BRD4: variants seen among roughly 807,000 people sequenced by gnomAD.
BRD4 encodes bromodomain containing 4.
Under a neutral mutation model 142.1 loss-of-function variants are expected in BRD4, and 16 were observed. That is an observed-to-expected ratio of 0.11 (90% CI 0.08 to 0.17). The LOEUF (loss-of-function observed/expected upper bound fraction) is 0.17. Among genes scored for constraint, BRD4 ranks in the 10% least tolerant of loss-of-function variants. The pLI, the probability that BRD4 is intolerant of heterozygous loss-of-function variation, is 1.00. For synonymous variants in BRD4, 833 were observed against 707.5 expected (o/e 1.18, Z -2.82); for missense variants, 1,424 against 1,810.9 (o/e 0.79, Z 3.88).
At chr19:15,314,360 G>C (rs538765695) in intron 1 of BRD4, among the ~76,000 whole-genome samples, 2 of 152,274 alleles carry the variant, frequency 1.3e-5, no homozygotes, top group Non-Finnish European at 2.9e-5. Context: ...TAGGTCACTA[G>C]AGTTCACTCT....
At chr19:15,326,935 G>T (rs1473425510) in intron 1 of BRD4, among the ~76,000 whole-genome samples, 2 of 152,206 alleles carry the variant, frequency 1.3e-5, no homozygotes, top group African/African-American at 2.4e-5. Flanking sequence ...AGTTTGGGGT[G>T]CATCTCCGAG....
intron 1 of BRD4, among the ~76,000 whole-genome samples, chr19:15,323,415 A>T (rs1381895254): frequency 1.3e-5 from 2 of 152,088 alleles, no homozygotes; most frequent in Non-Finnish European, 2.9e-5. Context: ...ACCTCCATGT[A>T]GTTTTTTTGT....
intron 1 of BRD4, among the ~76,000 whole-genome samples, chr19:15,288,216 C>T (rs1398534976): frequency 6.6e-6 from 1 of 152,258 alleles, no homozygotes; most frequent in Non-Finnish European, 1.5e-5. Context: ...ATGTTTCAGT[C>T]CCTGCTTTCA....
intron 1 of BRD4, chr19:15,280,297 G>A (rs1467778280): frequency 2.0e-6 from 2 of 1,010,500 alleles, no homozygotes; most frequent in East Asian, 7.1e-5. Flanking sequence ...AGGGGCAGAG[G>A]CCCAGTCATC....
chr19:15,320,114 G>A (rs2048049016), intron 1 of BRD4, among the ~76,000 whole-genome samples: 1 of 152,086 alleles, frequency 6.6e-6, no homozygotes, highest in Non-Finnish European at 1.5e-5. Context: ...CATACTCAAG[G>A]AGACCTCCAG....
chr19:15,273,993 T>C (rs2047619098), intron 1 of BRD4, among the ~76,000 whole-genome samples: 1 of 152,202 alleles, frequency 6.6e-6, no homozygotes, highest in Non-Finnish European at 1.5e-5. Context: ...CACAAACTTT[T>C]TTTGTAAATG....
Position 15,237,331 on chromosome 19 carries a change from G to A in BRD4, c.*1046C>T, listed in dbSNP as rs1029712596. 1 of 210,272 alleles carries A rather than the reference G, an allele frequency of 4.8e-6. No individual in the cohort carries two copies. Among genetic ancestry groups the A allele is most frequent in the Middle Eastern group, 1.5e-3 (1 of 654 alleles). The allele number at this position is 210,272 out of a possible 1,614,324, so 13.0% of individuals were successfully genotyped here. Reference sequence around the variant, plus strand: ...AAATAGACTAATAAAGTTTGAAACTGAGTAAAATATAGGCAGGATTTTTTT... The same window carrying A: ...AAATAGACTAATAAAGTTTGAAACTAAGTAAAATATAGGCAGGATTTTTTT... On this transcript the variant is annotated 3_prime_UTR_variant, in exon 20 of 20. Coordinates refer to ENST00000679869, the MANE Select transcript of BRD4 (RefSeq NM_001379291.1).
At chr19:15,304,719 T>C (rs1197912525) in intron 1 of BRD4, among the ~76,000 whole-genome samples, 2 of 152,204 alleles carry the variant, frequency 1.3e-5, no homozygotes, top group Non-Finnish European at 2.9e-5. Flanking sequence ...TGGGGCTCAA[T>C]GTGTCTGTAT....
At chr19:15,285,896 CT>C in intron 1 of BRD4, among the ~76,000 whole-genome samples, 2 of 152,280 alleles carry the variant, frequency 1.3e-5, no homozygotes, top group East Asian at 3.9e-4. Context: ...ATGGTGCCCA[CT>C]CTGAGTTTAG....
intron 1 of BRD4, among the ~76,000 whole-genome samples, chr19:15,278,097 C>T (rs2047667440): frequency 1.1e-5 from 1 of 93,348 alleles, no homozygotes; most frequent in East Asian, 3.3e-4. Context: ...CAGAGCAAGA[C>T]TCCGTCTCAA....
chr19:15,254,704 C>G (rs933377064), intron 10 of BRD4, among the ~76,000 whole-genome samples: 2 of 152,044 alleles, frequency 1.3e-5, no homozygotes, highest in Non-Finnish European at 2.9e-5. Context: ...TTCAGACGCA[C>G]GCTGGAATCA....
intron 1 of BRD4, among the ~76,000 whole-genome samples, chr19:15,309,268 G>C (rs1222744570): frequency 1.4e-5 from 2 of 146,734 alleles, no homozygotes; most frequent in Middle Eastern, 3.4e-3. Flanking sequence ...AGGAGGTGGA[G>C]CTTGCAGTGA....
rs201727438 is a variant in BRD4 at position 15,265,545 on chromosome 19, C to T, written c.658G>A (p.Ala220Thr). Residue 220 changes from alanine to threonine, a missense_variant, in exon 5 of 20, where the codon GCC becomes ACC. Transcript: ENST00000679869. ...ACGGCAGGGAAGGGGTGAGGCGTGG[C>T]CTGCACAGGAGGAGGATTCGGCTGA... The part of the protein sequence containing the change: ...TPQPNPPPVQ[A>T]TPHPFPAVTP... 1.5e-5 allele frequency: 25 copies of T among 1,613,822 alleles called. No homozygotes were observed. Among genetic ancestry groups the T allele is most frequent in the Non-Finnish European group, 2.1e-5 (25 of 1,179,986 alleles).
intron 1 of BRD4, among the ~76,000 whole-genome samples, chr19:15,322,110 C>A (rs1434085115): frequency 1.3e-5 from 2 of 152,134 alleles, no homozygotes; most frequent in Non-Finnish European, 2.9e-5. Context: ...ATGACCCCCC[C>A]ATAAGAAACA....
intron 1 of BRD4, among the ~76,000 whole-genome samples, chr19:15,313,993 A>G (rs1245000217): frequency 1.3e-5 from 2 of 152,186 alleles, no homozygotes; most frequent in Non-Finnish European, 2.9e-5. Flanking sequence ...TCTCTGCCTT[A>G]GGAACTCAGG....
chr19:15,312,792 G>A (rs533561606), intron 1 of BRD4, among the ~76,000 whole-genome samples: 11 of 152,170 alleles, frequency 7.2e-5, no homozygotes, highest in Admixed American at 5.2e-4. Flanking sequence ...AAAATTAGCC[G>A]GGCGTGGGGG....
chr19:15,284,695 G>C (rs1402365445), intron 1 of BRD4, among the ~76,000 whole-genome samples: 1 of 152,162 alleles, frequency 6.6e-6, no homozygotes, highest in Admixed American at 6.5e-5. Flanking sequence ...CCAGACAACT[G>C]AACTGAATCT....
intron 1 of BRD4, among the ~76,000 whole-genome samples, chr19:15,312,593 T>C (rs759881413): frequency 2.0e-5 from 3 of 151,704 alleles, no homozygotes; most frequent in Non-Finnish European, 4.4e-5. Flanking sequence ...GATCGCACCA[T>C]TGCACTCCAG....
intron 1 of BRD4, among the ~76,000 whole-genome samples, chr19:15,309,735 G>C (rs77716506): frequency 0.012 from 1,793 of 152,232 alleles, 25 homozygotes; most frequent in African/African-American, 0.041. Flanking sequence ...GGGTAGGGGA[G>C]GGGAATCAAA....
Sources: gnomAD v4.1 joint callset for allele counts (sites outside exome capture counted in the v4.1 genomes callset) on GRCh38, gnomAD v4.1.1 for gene constraint, MANE v1.5 for transcripts, NCBI Gene and HGNC (gene_info 2026-07-23, HGNC 2026-07-21) for gene names.